ANKS1B: variants seen among roughly 807,000 people sequenced by gnomAD.
The protein encoded by ANKS1B is ankyrin repeat and sterile alpha motif domain-containing protein 1B.
ANKS1B carries 36 observed loss-of-function variants against 148.3 expected under a neutral mutation model. That is an observed-to-expected ratio of 0.24 (90% CI 0.19 to 0.32). The LOEUF (loss-of-function observed/expected upper bound fraction) is 0.32. Ranked by LOEUF, ANKS1B falls within the 10% of genes least tolerant of loss-of-function variation. The pLI is 1.00. For missense variants in ANKS1B, 1,157 were observed against 1,542.6 expected, an observed-to-expected ratio of 0.75 and a Z score of 4.19; for synonymous variants, 542 against 560.8, an observed-to-expected ratio of 0.97 and a Z score of 0.47.
At chr12:99,676,419 C>A (rs2153476268) in intron 8 of ANKS1B, among the ~76,000 whole-genome samples, 1 of 152,162 alleles carries the variant, frequency 6.6e-6, no homozygotes, top group South Asian at 2.1e-4. Context: ...AAAAAACAAG[C>A]TTTTTAAAGA....
At chr12:99,120,109 C>T (rs1207343403) in intron 15 of ANKS1B, among the ~76,000 whole-genome samples, 1 of 152,212 alleles carries the variant, frequency 6.6e-6, no homozygotes, top group African/African-American at 2.4e-5. Flanking sequence ...ACCCTCCCAT[C>T]GCAGGGCATA....
At chr12:98,784,106 A>T (rs2098764986) in intron 22 of ANKS1B, among the ~76,000 whole-genome samples, 2 of 152,176 alleles carry the variant, frequency 1.3e-5, no homozygotes, top group African/African-American at 4.8e-5. Flanking sequence ...ACTGGAGGGG[A>T]AAGTGTTTTT....
intron 17 of ANKS1B, among the ~76,000 whole-genome samples, chr12:98,913,838 C>T (rs567128767): frequency 2.6e-5 from 4 of 152,252 alleles, no homozygotes; most frequent in Non-Finnish European, 4.4e-5. Context: ...GCCATGTTGG[C>T]CAGGCTGGTC....
chr12:99,839,163 C>T (rs111620667), intron 1 of ANKS1B, among the ~76,000 whole-genome samples: 9,466 of 152,056 alleles, frequency 0.062, 329 homozygotes, highest in Middle Eastern at 0.15. Context: ...ATCACTTGAG[C>T]GTAGGAGTTT....
chr12:99,385,155 T>C (rs1488391919), intron 12 of ANKS1B, among the ~76,000 whole-genome samples: 1 of 152,200 alleles, frequency 6.6e-6, no homozygotes, highest in East Asian at 1.9e-4. Context: ...TAGATTAATA[T>C]ATTTAAGATT....
chr12:99,638,210 C>T (rs752213962), intron 9 of ANKS1B, among the ~76,000 whole-genome samples: 3 of 151,962 alleles, frequency 2.0e-5, no homozygotes, highest in Non-Finnish European at 2.9e-5. Context: ...ACTGGGTAAC[C>T]GGCAGAGGTT....
intron 19 of ANKS1B, among the ~76,000 whole-genome samples, chr12:98,808,707 G>C (rs1380745622): frequency 7.9e-5 from 12 of 152,270 alleles, no homozygotes; most frequent in Admixed American, 7.2e-4. Flanking sequence ...CCCTTCCCAG[G>C]AGTTACAGTA....
At chr12:98,895,288 C>T in intron 17 of ANKS1B, 1 of 985,372 alleles carries the variant, frequency 1.0e-6, no homozygotes, top group African/African-American at 1.7e-5. Flanking sequence ...TCCTCGGTTA[C>T]TATGGATATC....
chr12:99,829,582 C>T (rs1225708695), intron 1 of ANKS1B, among the ~76,000 whole-genome samples: 3 of 152,064 alleles, frequency 2.0e-5, no homozygotes, highest in Non-Finnish European at 2.9e-5. Flanking sequence ...ACCTGGGAGG[C>T]GGAGCTTGCA....
rs544616315 is a variant in ANKS1B, at chr12:98,993,290, C to T, written c.2778+59867G>A. 7.2e-5 allele frequency among the ~76,000 whole-genome samples: 11 copies of T among 152,286 alleles called. No individual in the cohort carries two copies. In the South Asian group the frequency reaches 2.3e-3, roughly 32 times the overall value. On this transcript the variant is annotated intron_variant, in intron 17 of 26. Transcript: ENST00000683438. ...TCCAGCGATTCATACACCTCAGCCT[C>T]CTGAGTAGCTGGTATTACAGCTGCA...
chr12:99,274,756 C>T (rs530530562), intron 12 of ANKS1B, among the ~76,000 whole-genome samples: 1 of 152,306 alleles, frequency 6.6e-6, no homozygotes, highest in East Asian at 1.9e-4. Context: ...TTCTAGTCCT[C>T]TATTGTTACA....
At chr12:99,932,749 T>C (rs2094654499) in intron 1 of ANKS1B, among the ~76,000 whole-genome samples, 1 of 152,182 alleles carries the variant, frequency 6.6e-6, no homozygotes, top group Admixed American at 6.5e-5. Context: ...TTTCCTTTAC[T>C]GTGCAGAAGC....
intron 11 of ANKS1B, among the ~76,000 whole-genome samples, chr12:99,403,335 T>C (rs1273637348): frequency 7.0e-6 from 1 of 142,556 alleles, no homozygotes; most frequent in East Asian, 1.9e-4. Context: ...TTCTGTCTTT[T>C]TAGTAGAGAC....
At chr12:99,336,752 T>C (rs1346090300) in intron 12 of ANKS1B, among the ~76,000 whole-genome samples, 1 of 151,494 alleles carries the variant, frequency 6.6e-6, no homozygotes, top group African/African-American at 2.4e-5. Flanking sequence ...ATATTCTTCA[T>C]ACATGAAGGA....
chr12:99,385,101 G>A (rs2093804301), intron 12 of ANKS1B, among the ~76,000 whole-genome samples: 3 of 121,416 alleles, frequency 2.5e-5, no homozygotes, highest in Non-Finnish European at 5.7e-5. Context: ...ATAGTATTAT[G>A]AACATACGAC....
In ANKS1B at chr12:98,782,111, T is replaced by A; in HGVS notation, c.3354+15A>T. 6.3e-7 allele frequency: 1 copy of A among 1,595,596 alleles called. No individual in the cohort carries two copies. The highest frequency in any genetic ancestry group is 8.5e-7 in the Non-Finnish European group (1 of 1,169,850). On this transcript the variant is annotated intron_variant, in intron 23 of 26. Transcript: ENST00000683438. ...ATACTAGTAATAATCACACTAAACA[T>A]CAAGAAGAACCTACCTGACAGTTAG...
In ANKS1B at chr12:98,997,693, G is replaced by A. The variant is rs574128780; in HGVS notation, c.2778+55464C>T. Among the ~76,000 whole-genome samples the A allele has an allele frequency of 1.3e-3, 199 of 152,118 alleles. 1 individual carries two copies. The highest frequency in any genetic ancestry group is 4.6e-3 in the African/African-American group (189 of 41,518). On this transcript the variant is annotated intron_variant, in intron 17 of 26. Coordinates refer to ENST00000683438, the MANE Select transcript of ANKS1B (RefSeq NM_001352186.2). ...GGCATGAGCCACCGCGCCTGGCCCA[G>A]GCTTCAAAATTTTTAAACATTTAAC... is the stretch of plus-strand genomic sequence containing the variant.
chr12:99,088,897 G>A lies in ANKS1B; in HGVS notation c.2527-3874C>T, dbSNP rs1403799934. 2.3e-5 allele frequency among the ~76,000 whole-genome samples: 3 copies of A among 130,454 alleles called. No individual in the cohort carries two copies. In the East Asian group the frequency reaches 6.9e-4, roughly 30 times the overall value. 85.6% of individuals were successfully genotyped at this position (130,454 alleles called of 152,430 possible). On this transcript the variant is annotated intron_variant, in intron 15 of 26. Coordinates refer to ENST00000683438, the MANE Select transcript of ANKS1B (RefSeq NM_001352186.2). The stretch of plus-strand genomic sequence containing the variant: ...TTTCACTGTTGTTGCCCAGGCTGGA[G>A]TGCAATGGCACGATCCTGGCTCACT...
chr12:98,876,423 C>T (rs1304641914), intron 17 of ANKS1B, among the ~76,000 whole-genome samples: 1 of 152,168 alleles, frequency 6.6e-6, no homozygotes, highest in Non-Finnish European at 1.5e-5. Flanking sequence ...TACTCAGTGT[C>T]GCCAATGCAC....
Sources: allele counts gnomAD v4.1 joint callset (sites outside exome capture counted in the v4.1 genomes callset), GRCh38; gene constraint gnomAD v4.1.1; transcripts MANE v1.5; gene names NCBI Gene and HGNC (gene_info 2026-07-23, HGNC 2026-07-21).